The following RBFOX1 variants were observed in gnomAD, a reference collection of about 807,000 sequenced individuals.
RBFOX1 encodes RNA binding fox-1 homolog 1.
A neutral mutation model predicts 57.7 loss-of-function variants in RBFOX1; 8 were observed. The ratio of observed to expected loss-of-function variants is 0.14; its 90% CI spans 0.08 to 0.25. The LOEUF (loss-of-function observed/expected upper bound fraction) is 0.25. RBFOX1 is among the 10% of genes least tolerant of loss of function. The pLI is 1.00. For missense variants in RBFOX1, 611 were observed against 548.5 expected (o/e 1.11, Z -1.14); for synonymous variants, 326 against 222.4 (o/e 1.47, Z -4.15).
chr16:5,618,706 A>G (rs1301209095), intron 3 of RBFOX1, among the ~76,000 whole-genome samples: 20 of 152,210 alleles, frequency 1.3e-4, no homozygotes, highest in Admixed American at 1.1e-3. Context: ...GCCCATGAAC[A>G]CCATCCATCC....
rs58999361 is a variant in RBFOX1 at position 6,462,737 on chromosome 16, G to A, written c.-64+145680G>A. ...ACACACAAAATTGGAGCAATTTGAA[G>A]TCTTCCCGACGCTATAAACTACCTG... On this transcript the variant is annotated intron_variant, in intron 2 of 15. Coordinates refer to ENST00000550418, the MANE Select transcript of RBFOX1 (RefSeq NM_018723.4). Among the ~76,000 whole-genome samples the A allele has an allele frequency of 6.1e-5, 8 of 131,464 alleles. No individual in the cohort carries two copies. The East Asian group carries it at 1.7e-3, about 28-fold the overall frequency. The allele number at this position is 131,464 out of a possible 152,430, so 86.2% of individuals were successfully genotyped here.
intron 4 of RBFOX1, among the ~76,000 whole-genome samples, chr16:7,371,352 C>G (rs4306527): frequency 0.19 from 28,529 of 152,028 alleles, 2,788 homozygotes; most frequent in East Asian, 0.26. Context: ...ATGCTAGTAA[C>G]GGAAGACGGG....
intron 3 of RBFOX1, among the ~76,000 whole-genome samples, chr16:5,830,126 T>G (rs2056212541): frequency 6.6e-6 from 1 of 152,218 alleles, no homozygotes; most frequent in African/African-American, 2.4e-5. Flanking sequence ...CAATGCTCAT[T>G]TGCAAATCGT....
intron 3 of RBFOX1, among the ~76,000 whole-genome samples, chr16:6,746,190 AATTG>A (rs2073583698): frequency 6.6e-6 from 1 of 152,146 alleles, no homozygotes; most frequent in African/African-American, 2.4e-5. Context: ...AGTCTCCCCT[AATTG>A]ATCTGTAGAT....
intron 1 of RBFOX1, among the ~76,000 whole-genome samples, chr16:5,265,153 G>C (rs1393789498): frequency 6.6e-6 from 1 of 152,160 alleles, no homozygotes; most frequent in Non-Finnish European, 1.5e-5. Flanking sequence ...CTGTAGCTTA[G>C]AGAACTACAG....
intron 3 of RBFOX1, among the ~76,000 whole-genome samples, chr16:6,681,468 A>T (rs1373292628): frequency 6.6e-6 from 1 of 152,222 alleles, no homozygotes; most frequent in Non-Finnish European, 1.5e-5. Context: ...GTATAACCAG[A>T]TTTAGCAGAA....
chr16:5,520,888 C>T (rs1052549694), intron 2 of RBFOX1, among the ~76,000 whole-genome samples: 2 of 152,102 alleles, frequency 1.3e-5, no homozygotes, highest in African/African-American at 4.8e-5. Flanking sequence ...TGGGAATTGC[C>T]CACATGGGGT....
intron 3 of RBFOX1, among the ~76,000 whole-genome samples, chr16:7,016,727 G>T (rs2093934204): frequency 6.6e-6 from 1 of 152,194 alleles, no homozygotes; most frequent in South Asian, 2.1e-4. Flanking sequence ...TTTTTCTAAA[G>T]TGGAGTTGAT....
chr16:6,708,939 G>T (rs1265503428), intron 3 of RBFOX1, among the ~76,000 whole-genome samples: 1 of 151,600 alleles, frequency 6.6e-6, no homozygotes, highest in Non-Finnish European at 1.5e-5. Context: ...CAACATCATA[G>T]TGGCCTAGTA....
intron 1 of RBFOX1, among the ~76,000 whole-genome samples, chr16:5,393,901 A>G (rs2066479730): frequency 6.6e-6 from 1 of 152,156 alleles, no homozygotes; most frequent in African/African-American, 2.4e-5. Flanking sequence ...AAGCCCTGTG[A>G]TCTTTCTTCT....
intron 2 of RBFOX1, among the ~76,000 whole-genome samples, chr16:5,480,090 C>A (rs1323422061): frequency 6.6e-6 from 1 of 152,206 alleles, no homozygotes; most frequent in African/African-American, 2.4e-5. Context: ...GGGTGGCTCA[C>A]ATGCTTAAGT....
chr16:6,887,504 A>G (rs754896723), intron 3 of RBFOX1, among the ~76,000 whole-genome samples: 9 of 152,164 alleles, frequency 5.9e-5, no homozygotes, highest in African/African-American at 1.2e-4. Context: ...GGAATCATTA[A>G]TCATGTATAT....
intron 12 of RBFOX1, among the ~76,000 whole-genome samples, chr16:7,663,411 A>G (rs2068295882): frequency 6.6e-6 from 1 of 152,030 alleles, no homozygotes; most frequent in Non-Finnish European, 1.5e-5. Context: ...TGGTACTTGG[A>G]GTTTAGTCAA....
intron 2 of RBFOX1, among the ~76,000 whole-genome samples, chr16:5,529,284 A>T (rs1233194447): frequency 6.6e-6 from 1 of 152,152 alleles, no homozygotes; most frequent in Non-Finnish European, 1.5e-5. Flanking sequence ...AAAGTCTTAA[A>T]ACACCACCTA....
At chr16:6,016,210 G>A (rs915426091), upstream of RBFOX1, among the ~76,000 whole-genome samples, 3 of 152,174 alleles carry the variant, frequency 2.0e-5, no homozygotes, top group South Asian at 4.1e-4. Context: ...ACAGGGTAAA[G>A]GTAAATGGAG....
intron 2 of RBFOX1, among the ~76,000 whole-genome samples, chr16:6,564,382 C>A (rs557695310): frequency 1.3e-5 from 2 of 152,200 alleles, no homozygotes; most frequent in South Asian, 2.1e-4. Context: ...ATGGTGTGAA[C>A]CCAGGAGACA....
chr16:5,369,549 C>T (rs1446568734), intron 1 of RBFOX1, among the ~76,000 whole-genome samples: 1 of 152,238 alleles, frequency 6.6e-6, no homozygotes, highest in East Asian at 1.9e-4. Flanking sequence ...TCCCACTTTA[C>T]AGTGAAGAAG....
intron 3 of RBFOX1, among the ~76,000 whole-genome samples, chr16:5,677,899 C>T (rs371041999): frequency 6.6e-6 from 1 of 152,092 alleles, no homozygotes; most frequent in East Asian, 1.9e-4. Context: ...GGAGGCAGGT[C>T]TTCAGGACCA....
chr16:6,040,223 T>A (rs1377070455), intron 1 of RBFOX1, among the ~76,000 whole-genome samples: 1 of 152,254 alleles, frequency 6.6e-6, no homozygotes, highest in Non-Finnish European at 1.5e-5. Flanking sequence ...AATGTTACCG[T>A]CTTAACCATT....
Sources: allele counts gnomAD v4.1 joint callset (sites outside exome capture counted in the v4.1 genomes callset), GRCh38; gene constraint gnomAD v4.1.1; transcripts MANE v1.5; gene names NCBI Gene and HGNC (gene_info 2026-07-23, HGNC 2026-07-21).